Variants in CD59 observed in about 807,000 individuals in gnomAD.
The protein encoded by CD59 is CD59 glycoprotein.
CD59 carries 3 observed loss-of-function variants against 7.0 expected under a neutral mutation model. That is an observed-to-expected ratio of 0.43 (90% CI 0.19 to 1.10). CD59 has a LOEUF of 1.10. CD59 is among the 50% of genes least tolerant of loss of function. CD59 has a pLI of 0.29. For synonymous variants in CD59, 60 were observed against 62.0 expected (o/e 0.97, Z 0.15); for missense variants, 143 against 151.0 (o/e 0.95, Z 0.28).
intron 3 of CD59, among the ~76,000 whole-genome samples, chr11:33,712,633 G>A (rs1441505204): frequency 1.3e-5 from 2 of 152,210 alleles, no homozygotes; most frequent in Non-Finnish European, 2.9e-5. Flanking sequence ...CATGCAGGAG[G>A]GAGGAATGAG....
chr11:33,720,691 T>C (rs1198862121), intron 2 of CD59, among the ~76,000 whole-genome samples: 1 of 152,142 alleles, frequency 6.6e-6, no homozygotes, highest in Non-Finnish European at 1.5e-5. Context: ...ATCGCGCCAC[T>C]GCGCTCCAGC....
chr11:33,735,535 ATGT>A (rs1854540945), intron 1 of CD59, among the ~76,000 whole-genome samples: 1 of 152,062 alleles, frequency 6.6e-6, no homozygotes, highest in African/African-American at 2.4e-5. Context: ...TCCCGGGTTA[ATGT>A]TGTTTTTTGA....
chr11:33,713,066 G>A (rs767955433), intron 3 of CD59, among the ~76,000 whole-genome samples: 4 of 151,996 alleles, frequency 2.6e-5, no homozygotes, highest in Non-Finnish European at 2.9e-5. Context: ...CAAAAAACAC[G>A]CCATCATGGT....
rs1184900624 is a variant in CD59, at chr11:33,705,095, G to A, written c.*5031C>T. 6.6e-6 allele frequency: 1 copy of A among 152,202 alleles called. No individual in the cohort carries two copies. Among genetic ancestry groups the A allele is most frequent in the East Asian group, 1.9e-4 (1 of 5,188 alleles). 9.4% of individuals were successfully genotyped at this position (152,202 alleles called of 1,614,324 possible). ...GAGAGGTAGTTTAGTGGAATAGGGA[G>A]TACAGAGGCCTGGAAGATGAGGGAG... On this transcript the variant is annotated 3_prime_UTR_variant, in exon 4 of 4. Transcript: ENST00000642928.
At chr11:33,717,519 TC>T in intron 2 of CD59, 48 bp from the exon 3 acceptor site, 2 of 1,216,854 alleles carry the variant, frequency 1.6e-6, no homozygotes, top group Non-Finnish European at 1.2e-6. Flanking sequence ...CACTGACTTG[TC>T]CCCTGGCAGC....
chr11:33,733,169 T>C (rs1276441943), intron 1 of CD59, among the ~76,000 whole-genome samples: 1 of 152,066 alleles, frequency 6.6e-6, no homozygotes, highest in Non-Finnish European at 1.5e-5. Flanking sequence ...AGAAACAGAC[T>C]CTCCCCTAGA....
chr11:33,717,829 T>C (rs1853869787), intron 2 of CD59: 1 of 324,420 alleles, frequency 3.1e-6, no homozygotes, highest in South Asian at 2.7e-5. Context: ...GCAATGAATA[T>C]GCCCAATTAA....
At chr11:33,720,268 G>A (rs1377765309) in intron 2 of CD59, among the ~76,000 whole-genome samples, 4 of 152,212 alleles carry the variant, frequency 2.6e-5, no homozygotes, top group African/African-American at 9.6e-5. Context: ...AAGCCACACA[G>A]CTACTAAGTG....
chr11:33,723,329 A>G (rs1444956961), intron 1 of CD59, among the ~76,000 whole-genome samples: 1 of 152,220 alleles, frequency 6.6e-6, no homozygotes, highest in Non-Finnish European at 1.5e-5. Flanking sequence ...TCCCTAAGTC[A>G]GAAATGCAGA....
rs1853221865 is a variant in CD59 at position 33,704,317 on chromosome 11, T to C, written c.*5809A>G. ...TCATAGGATTGATTTGATGGACATA[T>C]GTATAAGCAGTGCCAGGGACAACTA... On this transcript the variant is annotated 3_prime_UTR_variant, in exon 4 of 4. Coordinates refer to ENST00000642928, the MANE Select transcript of CD59 (RefSeq NM_000611.6). 1 of 152,208 alleles carries C rather than the reference T, an allele frequency of 6.6e-6. No individual in the cohort carries two copies. Among genetic ancestry groups the C allele is most frequent in the Admixed American group, 6.5e-5 (1 of 15,290 alleles). 9.4% of individuals were successfully genotyped at this position (152,208 alleles called of 1,614,324 possible).
Position 33,707,367 on chromosome 11 carries a change from C to G in CD59, c.*2759G>C, listed in dbSNP as rs1227766470. ...ACACATAAGACATGGGGGCTAACTGCAAGGACACAAGAAAAATATACCCAT... is the reference window on the plus strand; with the variant it reads ...ACACATAAGACATGGGGGCTAACTGGAAGGACACAAGAAAAATATACCCAT... On this transcript the variant is annotated 3_prime_UTR_variant, in exon 4 of 4. Coordinates refer to ENST00000642928, the MANE Select transcript of CD59 (RefSeq NM_000611.6). 6.6e-6 allele frequency: 1 copy of G among 152,200 alleles called. No individual in the cohort carries two copies. The highest frequency in any genetic ancestry group is 6.5e-5 in the Admixed American group (1 of 15,284). The allele number at this position is 152,200 out of a possible 1,614,324, so 9.4% of individuals were successfully genotyped here. A position where few individuals can be genotyped will look rare whatever the true frequency, so the allele number is the denominator to read the frequency against.
At position 33,722,478 on chromosome 11, in the gene CD59, C is replaced by CA; in HGVS notation, c.-18-16dup. 3 of 1,613,342 alleles carry CA rather than the reference C, an allele frequency of 1.9e-6. No individual in the cohort carries two copies. The highest frequency in any genetic ancestry group is 2.5e-6 in the Non-Finnish European group (3 of 1,179,566). On this transcript the variant is annotated splice_polypyrimidine_tract_variant and intron_variant, in intron 1 of 3. Transcript: ENST00000642928. ...GTCCACAGAACCTGGAAGGAAGGGA[C>CA]AGGAAGGAATGTCAGGAACGAACAA... is the stretch of plus-strand genomic sequence containing the variant.
At chr11:33,719,005 A>G (rs1348592989) in intron 2 of CD59, 1 of 152,248 alleles carries the variant, frequency 6.6e-6, no homozygotes, top group Non-Finnish European at 1.5e-5. Context: ...ACCTCTGTGA[A>G]AAGACATTTT....
intron 2 of CD59, among the ~76,000 whole-genome samples, chr11:33,721,742 A>G (rs1425452655): frequency 1.3e-5 from 2 of 152,244 alleles, no homozygotes; most frequent in African/African-American, 4.8e-5. Context: ...CTCTGTTGCC[A>G]GACTGTGTGT....
chr11:33,729,699 G>GA (rs57531198), intron 1 of CD59, among the ~76,000 whole-genome samples: 51 of 142,860 alleles, frequency 3.6e-4, no homozygotes, highest in African/African-American at 4.3e-4. Context: ...GTATCTCCGA[G>GA]AAAAAAAAAA....
rs1463526962 is a variant in CD59 at position 33,703,090 on chromosome 11, G to GA, written c.*7035dup. 2 of 152,068 alleles carry GA rather than the reference G, an allele frequency of 1.3e-5. No homozygotes were observed. The highest frequency in any genetic ancestry group is 4.8e-5 in the African/African-American group (2 of 41,360). 9.4% of individuals were successfully genotyped at this position (152,068 alleles called of 1,614,324 possible). A position where few individuals can be genotyped will look rare whatever the true frequency, so the allele number is the denominator to read the frequency against. Reference sequence around the variant, plus strand: ...TTTTATGTATATATCTAGTTGAGGAGAAAAAATTACAGATTTTTTCCCCCT... The same window carrying GA: ...TTTTATGTATATATCTAGTTGAGGAGAAAAAAATTACAGATTTTTTCCCCCT... On this transcript the variant is annotated 3_prime_UTR_variant, in exon 4 of 4. Coordinates refer to ENST00000642928, the MANE Select transcript of CD59 (RefSeq NM_000611.6).
chr11:33,722,161 G>A (rs1460566258), intron 2 of CD59, among the ~76,000 whole-genome samples: 1 of 152,050 alleles, frequency 6.6e-6, no homozygotes, highest in Non-Finnish European at 1.5e-5. Flanking sequence ...CAAAAGCCAC[G>A]CTGTAACTCA....
rs1789279792 is a variant in CD59, at chr11:33,708,407, G to A, written c.*1719C>T. The A allele has an allele frequency of 6.6e-6, 1 of 152,090 alleles. No homozygotes were observed. Among genetic ancestry groups the A allele is most frequent in the South Asian group, 2.1e-4 (1 of 4,810 alleles). The allele number at this position is 152,090 out of a possible 1,614,324, so 9.4% of individuals were successfully genotyped here. Reference sequence around the variant, plus strand: ...ATCCTAGAATCTCAATCCTGAGAGAGGCTTCCAAAACTGTCGACTCCTGGC... The same window carrying A: ...ATCCTAGAATCTCAATCCTGAGAGAAGCTTCCAAAACTGTCGACTCCTGGC... On this transcript the variant is annotated 3_prime_UTR_variant, in exon 4 of 4. Transcript: ENST00000642928.
At chr11:33,716,024 G>C (rs968494097) in intron 3 of CD59, among the ~76,000 whole-genome samples, 2 of 152,190 alleles carry the variant, frequency 1.3e-5, no homozygotes, top group African/African-American at 2.4e-5. Flanking sequence ...AGTCTTCTGT[G>C]CTCGTACATA....
Sources: gnomAD v4.1 joint callset for allele counts (sites outside exome capture counted in the v4.1 genomes callset) on GRCh38, gnomAD v4.1.1 for gene constraint, MANE v1.5 for transcripts, NCBI Gene and HGNC (gene_info 2026-07-23, HGNC 2026-07-21) for gene names.